ARHGEF3: variants seen among roughly 807,000 people sequenced by gnomAD.
ARHGEF3 encodes 59.8 kDA protein.
A neutral mutation model predicts 63.2 loss-of-function variants in ARHGEF3; 28 were observed. The observed-to-expected ratio is 0.44, with a 90% confidence interval of 0.33 to 0.61. The LOEUF is 0.61. Ranked by LOEUF, ARHGEF3 falls within the 20% of genes least tolerant of loss-of-function variation. The probability of loss-of-function intolerance (pLI) is 0.03; values close to 1 mark genes in which losing one functional copy is unlikely to be tolerated. For missense variants in ARHGEF3, 533 were observed against 659.3 expected (o/e 0.81, Z 2.10); for synonymous variants, 266 against 254.2 (o/e 1.05, Z -0.44).
chr3:56,733,351 C>A, intron 8 of ARHGEF3, among the ~76,000 whole-genome samples: 2 of 92,582 alleles, frequency 2.2e-5, no homozygotes, highest in African/African-American at 8.5e-5. Context: ...GGGGGGGCGC[C>A]TGTAATCCCA....
intron 2 of ARHGEF3, among the ~76,000 whole-genome samples, chr3:57,005,346 C>T (rs1052005700): frequency 7.9e-5 from 12 of 152,282 alleles, no homozygotes; most frequent in East Asian, 3.9e-4. Context: ...AGCTTGCCCA[C>T]GAACCACAGT....
intron 4 of ARHGEF3, among the ~76,000 whole-genome samples, chr3:56,871,104 G>C (rs2040419533): frequency 6.6e-6 from 1 of 152,126 alleles, no homozygotes; most frequent in South Asian, 2.1e-4. Context: ...AAGTGGGACT[G>C]GGGCATGGTA....
At chr3:56,915,665 A>T (rs1224459126) in intron 3 of ARHGEF3, among the ~76,000 whole-genome samples, 1 of 152,176 alleles carries the variant, frequency 6.6e-6, no homozygotes, top group African/African-American at 2.4e-5. Context: ...GATGTTCTTA[A>T]TGAGAATGGT....
intron 3 of ARHGEF3, among the ~76,000 whole-genome samples, chr3:56,888,103 CT>C (rs3034853): frequency 0.79 from 113,588 of 142,960 alleles, 44,966 homozygotes; most frequent in East Asian, 0.96. Flanking sequence ...CAAATAAGAG[CT>C]TTTTTTTTTT....
intron 7 of ARHGEF3, among the ~76,000 whole-genome samples, chr3:56,742,412 T>C (rs1458000035): frequency 6.6e-6 from 1 of 152,158 alleles, no homozygotes; most frequent in Non-Finnish European, 1.5e-5. Context: ...AGGCACTGCA[T>C]TAAAGGCAAG....
intron 4 of ARHGEF3, among the ~76,000 whole-genome samples, chr3:56,859,416 G>A (rs539114006): frequency 6.6e-6 from 1 of 152,176 alleles, no homozygotes; most frequent in Admixed American, 6.5e-5. Context: ...TGGGATCACA[G>A]GCAGGAGCCA....
At chr3:56,783,027 T>C (rs934447584) in intron 1 of ARHGEF3, among the ~76,000 whole-genome samples, 5 of 152,158 alleles carry the variant, frequency 3.3e-5, no homozygotes, top group South Asian at 2.1e-4. Context: ...GGCCAAAGTC[T>C]CCCTGTGAGG....
At chr3:56,905,141 T>C (rs1357701353) in intron 3 of ARHGEF3, among the ~76,000 whole-genome samples, 1 of 152,204 alleles carries the variant, frequency 6.6e-6, no homozygotes, top group Non-Finnish European at 1.5e-5. Context: ...CTGATTCACC[T>C]TTCCCTTAGA....
At chr3:56,753,599 C>T (rs934643655) in intron 3 of ARHGEF3, 33 bp from the exon 4 acceptor site, 9 of 1,594,364 alleles carry the variant, frequency 5.6e-6, no homozygotes, top group African/African-American at 1.3e-5. Context: ...TCACTGAATT[C>T]TCCCTTCATT....
chr3:56,804,786 A>G (rs577402075), upstream of ARHGEF3, among the ~76,000 whole-genome samples: 7 of 152,326 alleles, frequency 4.6e-5, no homozygotes, highest in East Asian at 1.3e-3. Context: ...GGGAGCTCAC[A>G]CAAGTGCTCC....
chr3:56,832,047 C>T (rs1227990910), intron 4 of ARHGEF3, among the ~76,000 whole-genome samples: 3 of 152,026 alleles, frequency 2.0e-5, no homozygotes, highest in Non-Finnish European at 4.4e-5. Context: ...CCAGTGGAGG[C>T]TATACAGAAA....
chr3:56,875,599 TCA>T (rs2040561910), intron 4 of ARHGEF3, among the ~76,000 whole-genome samples: 1 of 152,236 alleles, frequency 6.6e-6, no homozygotes, highest in Non-Finnish European at 1.5e-5. Context: ...CTTCCTGGCA[TCA>T]CACATCTGAG....
chr3:56,797,590 T>C (rs1367736649), intron 1 of ARHGEF3, among the ~76,000 whole-genome samples: 1 of 152,238 alleles, frequency 6.6e-6, no homozygotes, highest in African/African-American at 2.4e-5. Context: ...AAGATACAGA[T>C]TCCAAGAAAT....
intron 2 of ARHGEF3, among the ~76,000 whole-genome samples, chr3:56,961,679 G>T (rs1043499046): frequency 1.3e-5 from 2 of 152,034 alleles, no homozygotes; most frequent in African/African-American, 4.8e-5. Flanking sequence ...GTCCCTAATT[G>T]TTAGCTCCCA....
chr3:56,875,366 C>T (rs978330804), intron 4 of ARHGEF3, among the ~76,000 whole-genome samples: 1 of 152,136 alleles, frequency 6.6e-6, no homozygotes, highest in Admixed American at 6.5e-5. Flanking sequence ...TAATACTGAG[C>T]ATCTCAGAAA....
chr3:56,964,304 G>C (rs1700399815), intron 2 of ARHGEF3, among the ~76,000 whole-genome samples: 1 of 145,214 alleles, frequency 6.9e-6, no homozygotes, highest in Non-Finnish European at 1.5e-5. Flanking sequence ...AGGGAGCCGA[G>C]ATCGTGCCAC....
At chr3:56,882,792 C>T (rs1560018988) in intron 3 of ARHGEF3, among the ~76,000 whole-genome samples, 1 of 152,186 alleles carries the variant, frequency 6.6e-6, no homozygotes. Flanking sequence ...GCTGGGATTA[C>T]AGGCATGAGC....
At chr3:57,067,170 G>A (rs536887089) in intron 1 of ARHGEF3, among the ~76,000 whole-genome samples, 11 of 152,224 alleles carry the variant, frequency 7.2e-5, no homozygotes, top group Non-Finnish European at 1.3e-4. Flanking sequence ...AACATTTGTC[G>A]GCCAGGCGCG....
At chr3:56,960,300 G>A (rs1402334037) in intron 2 of ARHGEF3, among the ~76,000 whole-genome samples, 3 of 152,168 alleles carry the variant, frequency 2.0e-5, no homozygotes, top group East Asian at 1.9e-4. Context: ...GAGCACTGAC[G>A]CCTAGGGATA....
Sources: gnomAD v4.1 joint callset for allele counts (sites outside exome capture counted in the v4.1 genomes callset) on GRCh38, gnomAD v4.1.1 for gene constraint, MANE v1.5 for transcripts, NCBI Gene and HGNC (gene_info 2026-07-23, HGNC 2026-07-21) for gene names.